ANKS1B: variants seen among roughly 807,000 people sequenced by gnomAD.
ANKS1B encodes the protein ankyrin repeat and sterile alpha motif domain containing 1B.
A neutral mutation model predicts 148.3 loss-of-function variants in ANKS1B; 36 were observed. That is an observed-to-expected ratio of 0.24 (90% confidence interval 0.19 to 0.32). The LOEUF is 0.32. ANKS1B is among the 10% of genes least tolerant of loss of function. ANKS1B has a pLI of 1.00. For missense variants in ANKS1B, 1,157 were observed against 1,542.6 expected (o/e 0.75, Z 4.19); for synonymous variants, 542 against 560.8 (o/e 0.97, Z 0.47).
intron 9 of ANKS1B, among the ~76,000 whole-genome samples, chr12:99,550,800 A>C (rs925335142): frequency 1.3e-5 from 2 of 152,172 alleles, no homozygotes; most frequent in African/African-American, 4.8e-5. Flanking sequence ...ATTAAAATAC[A>C]ACAACAACTA....
intron 9 of ANKS1B, among the ~76,000 whole-genome samples, chr12:99,626,141 G>A (rs1033580901): frequency 6.6e-6 from 1 of 152,076 alleles, no homozygotes; most frequent in Admixed American, 6.6e-5. Context: ...GAGAAAAACA[G>A]GTTACATGAA....
intron 1 of ANKS1B, among the ~76,000 whole-genome samples, chr12:99,893,887 C>G (rs1269585797): frequency 6.6e-6 from 1 of 152,046 alleles, no homozygotes; most frequent in Non-Finnish European, 1.5e-5. Flanking sequence ...TCCAATCCAC[C>G]ACTGACGGGC....
chr12:99,215,678 T>C (rs1192575589), intron 14 of ANKS1B, among the ~76,000 whole-genome samples: 3 of 152,258 alleles, frequency 2.0e-5, no homozygotes, highest in Non-Finnish European at 4.4e-5. Context: ...ATGGGGCCTG[T>C]AGCCCCCTTG....
At chr12:99,120,052 G>A (rs753045682) in intron 15 of ANKS1B, among the ~76,000 whole-genome samples, 4 of 152,224 alleles carry the variant, frequency 2.6e-5, no homozygotes, top group Non-Finnish European at 5.9e-5. Flanking sequence ...AAGGTCGCCT[G>A]TCCCGGCAAC....
At chr12:99,599,013 G>A (rs545115435) in intron 9 of ANKS1B, among the ~76,000 whole-genome samples, 2 of 151,980 alleles carry the variant, frequency 1.3e-5, no homozygotes, top group South Asian at 4.2e-4. Flanking sequence ...CCCCTGGCTT[G>A]TAATCATATT....
At chr12:99,942,994 TG>T (rs2094957734) in intron 1 of ANKS1B, among the ~76,000 whole-genome samples, 2 of 152,140 alleles carry the variant, frequency 1.3e-5, no homozygotes, top group Admixed American at 6.5e-5. Flanking sequence ...GAATGAAACC[TG>T]GGACTTTGAT....
chr12:99,245,710 A>T (rs543696949), intron 13 of ANKS1B, among the ~76,000 whole-genome samples: 1 of 152,372 alleles, frequency 6.6e-6, no homozygotes, highest in East Asian at 1.9e-4. Context: ...TAAACACTTT[A>T]AGTAGAACTG....
At chr12:98,924,790 T>G (rs1014705112) in intron 17 of ANKS1B, among the ~76,000 whole-genome samples, 4 of 152,184 alleles carry the variant, frequency 2.6e-5, no homozygotes, top group East Asian at 1.9e-4. Flanking sequence ...ATCAATTCAC[T>G]AAATAGTCTT....
At chr12:98,883,501 T>G (rs565322529) in intron 17 of ANKS1B, among the ~76,000 whole-genome samples, 2 of 152,324 alleles carry the variant, frequency 1.3e-5, no homozygotes, top group East Asian at 3.9e-4. Context: ...GATGAAGGCT[T>G]CACAGGAATC....
At chr12:99,784,426 C>A (rs1381338159) in intron 4 of ANKS1B, among the ~76,000 whole-genome samples, 1 of 152,128 alleles carries the variant, frequency 6.6e-6, no homozygotes, top group East Asian at 1.9e-4. Context: ...CCCGTCTTGG[C>A]CTCCCAAAGT....
chr12:99,240,034 T>C (rs2088937242), intron 14 of ANKS1B, among the ~76,000 whole-genome samples: 2 of 152,132 alleles, frequency 1.3e-5, no homozygotes, highest in South Asian at 4.1e-4. Flanking sequence ...CCAGCTAACA[T>C]AATGATAGGG....
intron 15 of ANKS1B, among the ~76,000 whole-genome samples, chr12:99,108,586 A>G (rs895178937): frequency 2.6e-5 from 4 of 152,192 alleles, no homozygotes; most frequent in Non-Finnish European, 4.4e-5. Flanking sequence ...AAATAGATAA[A>G]GAAGGTAGTG....
In ANKS1B at chr12:98,745,726, A is replaced by G. The variant is rs760605944; in HGVS notation, c.*13T>C. ...GCGAGCAAGGCACCGCGAGGACAGG[A>G]GGACGGCGAGTATCAGAAAATCGTG... On this transcript the variant is annotated 3_prime_UTR_variant, in exon 27 of 27. Coordinates refer to ENST00000683438, the MANE Select transcript of ANKS1B (RefSeq NM_001352186.2). The G allele has an allele frequency of 2.5e-6, 4 of 1,612,864 alleles. No individual in the cohort carries two copies. Among genetic ancestry groups the G allele is most frequent in the Non-Finnish European group, 3.4e-6 (4 of 1,179,348 alleles).
intron 17 of ANKS1B, chr12:98,931,777 C>T (rs781099932): frequency 2.0e-5 from 3 of 152,150 alleles, no homozygotes; most frequent in Middle Eastern, 3.2e-3. Context: ...TTTACCCCCT[C>T]GAGCTTATCC....
chr12:98,799,940 T>C (rs755901916), intron 21 of ANKS1B, among the ~76,000 whole-genome samples: 2 of 151,194 alleles, frequency 1.3e-5, no homozygotes, highest in Non-Finnish European at 2.9e-5. Context: ...TGATGGACAC[T>C]TCCTGACAAG....
intron 16 of ANKS1B, among the ~76,000 whole-genome samples, chr12:99,062,716 A>G (rs1208157624): frequency 6.6e-6 from 1 of 152,160 alleles, no homozygotes; most frequent in East Asian, 1.9e-4. Context: ...ATGAGATTTT[A>G]GAAAGCACAG....
At chr12:98,949,118 A>C (rs907089300) in intron 17 of ANKS1B, among the ~76,000 whole-genome samples, 45 of 151,728 alleles carry the variant, frequency 3.0e-4, no homozygotes, top group African/African-American at 1.1e-3. Flanking sequence ...ACACCCAGCT[A>C]ATTTTTTGTA....
chr12:98,907,716 GAATTGTAGCTCCCAT>G (rs2099781317), intron 17 of ANKS1B, among the ~76,000 whole-genome samples: 1 of 152,146 alleles, frequency 6.6e-6, no homozygotes, highest in Non-Finnish European at 1.5e-5. Context: ...ATCTCATCTT[GAATTGTAGCTCCCAT>G]AATTCCCACG....
At chr12:99,812,558 C>CACACACACAG (rs1491407773) in intron 2 of ANKS1B, among the ~76,000 whole-genome samples, 2 of 73,674 alleles carry the variant, frequency 2.7e-5, no homozygotes, top group African/African-American at 1.2e-4. Flanking sequence ...CACACACACA[C>CACACACACAG]AGAGAGAGAG....
Sources: gnomAD v4.1 joint callset for allele counts (sites outside exome capture counted in the v4.1 genomes callset) on GRCh38, gnomAD v4.1.1 for gene constraint, MANE v1.5 for transcripts, NCBI Gene and HGNC (gene_info 2026-07-23, HGNC 2026-07-21) for gene names.